Variants in ITSN2 observed in about 807,000 individuals in gnomAD.
The protein encoded by ITSN2 is intersectin 2.
Under a neutral mutation model 243.7 loss-of-function variants are expected in ITSN2, and 156 were observed. That is an observed-to-expected ratio of 0.64 (90% CI 0.56 to 0.73). The LOEUF is 0.73. Ranked by LOEUF, ITSN2 falls within the 30% of genes least tolerant of loss-of-function variation. ITSN2 has a pLI of 0.00. For missense variants in ITSN2, 1,801 were observed against 1,996.1 expected (o/e 0.90, Z 1.86); for synonymous variants, 703 against 699.9 (o/e 1.00, Z -0.07).
At chr2:24,247,711 A>C (rs1191224817) in intron 27 of ITSN2, among the ~76,000 whole-genome samples, 1 of 152,196 alleles carries the variant, frequency 6.6e-6, no homozygotes, top group Non-Finnish European at 1.5e-5. Context: ...TTTCACAAAA[A>C]TATTTATATT....
rs1674469207 is a variant in ITSN2 at position 24,252,464 on chromosome 2, T to A, written c.3001A>T (p.Thr1001Ser). 1 of 1,612,714 alleles carries A rather than the reference T, an allele frequency of 6.2e-7. No homozygotes were observed. The change falls in exon 25 of 40, where the codon ACT becomes TCT. Residue 1001 changes from threonine (T) to serine (S), a missense_variant. Coordinates refer to ENST00000355123, the MANE Select transcript of ITSN2 (RefSeq NM_006277.3). ...AATATTTCTTCACCTTCTGTGAAAGTCAAATCTCCAGGTTCCACACTTGAA... is the reference window on the plus strand; with the variant it reads ...AATATTTCTTCACCTTCTGTGAAAGACAAATCTCCAGGTTCCACACTTGAA... ...PYSSVEPGDLTFTEGEEILVT... is the reference protein window; with the variant it reads ...PYSSVEPGDLSFTEGEEILVT...
chr2:24,263,317 C>G (rs181312292), intron 20 of ITSN2, among the ~76,000 whole-genome samples: 29 of 152,230 alleles, frequency 1.9e-4, no homozygotes, highest in African/African-American at 6.5e-4. Context: ...TGTCTCTGTT[C>G]TCCAATCCAT....
At chr2:24,245,927 C>G (rs972601801) in intron 29 of ITSN2, among the ~76,000 whole-genome samples, 1 of 152,182 alleles carries the variant, frequency 6.6e-6, no homozygotes, top group Non-Finnish European at 1.5e-5. Context: ...ATACGAAAGT[C>G]TGGAGCTAGC....
intron 29 of ITSN2, among the ~76,000 whole-genome samples, chr2:24,237,807 C>CA (rs940332168): frequency 1.3e-5 from 2 of 152,118 alleles, no homozygotes; most frequent in African/African-American, 2.4e-5. Flanking sequence ...GAAAGATCCC[C>CA]ACGATCAGGC....
chr2:24,209,527 C>T (rs1669264712), intron 35 of ITSN2, among the ~76,000 whole-genome samples: 1 of 152,204 alleles, frequency 6.6e-6, no homozygotes, highest in South Asian at 2.1e-4. Flanking sequence ...TGTGCTGGGG[C>T]TCGGCTTACA....
chr2:24,238,688 T>A (rs970245602), intron 29 of ITSN2, among the ~76,000 whole-genome samples: 1 of 152,196 alleles, frequency 6.6e-6, no homozygotes, highest in African/African-American at 2.4e-5. Flanking sequence ...TGAGCAACAA[T>A]GTATTAAAAT....
Position 24,220,999 on chromosome 2 carries a change from ATGAATATAGCCC to A in ITSN2, c.3633_3644del (p.Gln1211_Ile1214del), listed in dbSNP as rs1419721964. ...ACCGCTCTTCGGTCTGAATCAGCTC[ATGAATATAGCCC>A]TGTCTTTTCCTCTCAATTGGCTGCA... On this transcript the variant is annotated inframe_deletion, in exon 30 of 40. Coordinates refer to ENST00000355123, the MANE Select transcript of ITSN2 (RefSeq NM_006277.3). 5 of 1,610,418 alleles carry A rather than the reference ATGAATATAGCCC, an allele frequency of 3.1e-6. No homozygotes were observed. Among genetic ancestry groups the A allele is most frequent in the Admixed American group, 3.4e-5 (2 of 59,388 alleles).
intron 15 of ITSN2, among the ~76,000 whole-genome samples, chr2:24,291,541 G>A (rs1421850541): frequency 6.6e-6 from 1 of 151,244 alleles, no homozygotes; most frequent in African/African-American, 2.4e-5. Context: ...CCAGGCTGGA[G>A]GGCAGCGGTG....
intron 33 of ITSN2, among the ~76,000 whole-genome samples, chr2:24,212,130 GC>G (rs991606324): frequency 3.9e-5 from 6 of 152,220 alleles, no homozygotes; most frequent in African/African-American, 1.4e-4. Context: ...CAAAAAGAAA[GC>G]TGGAAGGAAT....
At chr2:24,264,563 G>A (rs1420716589) in intron 20 of ITSN2, among the ~76,000 whole-genome samples, 2 of 140,722 alleles carry the variant, frequency 1.4e-5, no homozygotes, top group East Asian at 2.1e-4. Context: ...GTTAATCTGT[G>A]TATATGTTGC....
At chr2:24,205,450 A>T in intron 37 of ITSN2, 153 bp from the exon 38 acceptor site, 5 of 619,158 alleles carry the variant, frequency 8.1e-6, no homozygotes, top group Non-Finnish European at 8.6e-6. Context: ...GCCTTTCCCC[A>T]GGCTGTGTTG....
chr2:24,321,431 C>G (rs546852973), intron 2 of ITSN2, among the ~76,000 whole-genome samples: 2 of 152,264 alleles, frequency 1.3e-5, no homozygotes, highest in South Asian at 2.1e-4. Context: ...TAATTTTTAA[C>G]ACTAATATGG....
chr2:24,233,371 C>T (rs1453954298), intron 29 of ITSN2, among the ~76,000 whole-genome samples: 1 of 152,196 alleles, frequency 6.6e-6, no homozygotes, highest in Non-Finnish European at 1.5e-5. Flanking sequence ...ACCGGTGACA[C>T]AGGGATCCCA....
At chr2:24,241,823 G>C (rs1442266041) in intron 29 of ITSN2, 1 of 152,580 alleles carries the variant, frequency 6.6e-6, no homozygotes, top group Non-Finnish European at 1.5e-5. Context: ...AAGCATGGCA[G>C]CCTATTCCAA....
intron 15 of ITSN2, among the ~76,000 whole-genome samples, chr2:24,292,963 G>A (rs1356955298): frequency 6.6e-6 from 1 of 152,194 alleles, no homozygotes; most frequent in African/African-American, 2.4e-5. Flanking sequence ...ACTTGATAGA[G>A]ACTCAATGAG....
chr2:24,327,902 C>T, intron 2 of ITSN2, 150 bp downstream of exon 2: 1 of 637,572 alleles, frequency 1.6e-6, no homozygotes, highest in South Asian at 2.0e-5. Flanking sequence ...TTACAGAAGA[C>T]ATATGCAGTG....
At chr2:24,325,942 TAC>T (rs912299431) in intron 2 of ITSN2, among the ~76,000 whole-genome samples, 5 of 151,206 alleles carry the variant, frequency 3.3e-5, no homozygotes, top group South Asian at 2.1e-4. Context: ...CACACACACA[TAC>T]ACACACACAT....
At chr2:24,354,605 G>GA (rs1182813747) in intron 1 of ITSN2, among the ~76,000 whole-genome samples, 1 of 152,150 alleles carries the variant, frequency 6.6e-6, no homozygotes, top group Admixed American at 6.5e-5. Context: ...CACACATAAG[G>GA]AAACAGAAGC....
chr2:24,232,790 T>A (rs1300979063), intron 29 of ITSN2, among the ~76,000 whole-genome samples: 1 of 152,164 alleles, frequency 6.6e-6, no homozygotes, highest in East Asian at 1.9e-4. Context: ...TTGATTCAAG[T>A]CTTATACTTT....
Sources: gnomAD v4.1 joint callset for allele counts (sites outside exome capture counted in the v4.1 genomes callset) on GRCh38, gnomAD v4.1.1 for gene constraint, MANE v1.5 for transcripts, NCBI Gene and HGNC (gene_info 2026-07-23, HGNC 2026-07-21) for gene names.